The following CXXC4 variants were observed in gnomAD, a reference collection of about 807,000 sequenced individuals.
CXXC4 encodes CXXC finger protein 4.
In CXXC4, 5 loss-of-function variants were observed where a neutral mutation model predicts 20.5. That is an observed-to-expected ratio of 0.24 (90% CI 0.13 to 0.51). The LOEUF (loss-of-function observed/expected upper bound fraction) is 0.51, where lower values mean the gene tolerates loss of function less well. Among genes scored for constraint, CXXC4 ranks in the 20% least tolerant of loss-of-function variants. The pLI is 0.97. For synonymous variants in CXXC4, 250 were observed against 216.4 expected (o/e 1.16, Z -1.36); for missense variants, 419 against 496.4 (o/e 0.84, Z 1.48).
intron 2 of CXXC4, among the ~76,000 whole-genome samples, chr4:104,478,850 G>A (rs1736483726): frequency 6.6e-6 from 1 of 151,696 alleles, no homozygotes; most frequent in Non-Finnish European, 1.5e-5. Context: ...AGTAAAAATT[G>A]GGTTAATAAA....
chr4:104,491,208 A>G lies in CXXC4; in HGVS notation c.595T>C (p.Ser199Pro), dbSNP rs773805257. The G allele has an allele frequency of 1.9e-6, 3 of 1,613,558 alleles. No homozygotes were observed. In the South Asian group the frequency reaches 3.3e-5, roughly 18 times the overall value. Reference sequence around the variant, plus strand: ...CTGCAGTGTTCAGGGGATAAGGTGGAGAGGAAATTAGTATTTGCCATTTGC... The same window carrying G: ...CTGCAGTGTTCAGGGGATAAGGTGGGGAGGAAATTAGTATTTGCCATTTGC... ...SLQMANTNFL[S>P]TLSPEHCRPL... The change falls in exon 2 of 3, where the codon TCC becomes CCC. Residue 199 changes from serine (S) to proline (P), a missense_variant. By Grantham distance (74) the Ser-to-Pro change is moderately conservative. Around this residue, in one of 3 missense-constraint regions of CXXC4, gnomAD observed 388 missense variants for 416.0 expected, o/e 0.93. Transcript: ENST00000394767.
At chr4:104,482,415 G>A (rs946027062) in intron 2 of CXXC4, among the ~76,000 whole-genome samples, 1 of 151,916 alleles carries the variant, frequency 6.6e-6, no homozygotes, top group Non-Finnish European at 1.5e-5. Context: ...TCTTTTTCAC[G>A]GACTAAAGGT....
chr4:104,478,398 G>C (rs1736470978), intron 2 of CXXC4, among the ~76,000 whole-genome samples: 1 of 152,144 alleles, frequency 6.6e-6, no homozygotes, highest in South Asian at 2.1e-4. Context: ...GTCCAAAGGA[G>C]AATGTGTGTA....
At chr4:104,480,738 C>T (rs1736535020) in intron 2 of CXXC4, among the ~76,000 whole-genome samples, 1 of 151,952 alleles carries the variant, frequency 6.6e-6, no homozygotes, top group Non-Finnish European at 1.5e-5. Flanking sequence ...TCAAGATGAC[C>T]TTAAGTATGC....
Position 104,471,431 on chromosome 4 carries a change from A to T in CXXC4, c.*891T>A, listed in dbSNP as rs1385841306. On this transcript the variant is annotated 3_prime_UTR_variant, in exon 3 of 3. Coordinates refer to ENST00000394767, the MANE Select transcript of CXXC4 (RefSeq NM_025212.4). ...GATACTTTATTCTTTAGCCTAAAAAACACCGTTTTTATAAAAAAAAATTAT... is the reference window on the plus strand; with the variant it reads ...GATACTTTATTCTTTAGCCTAAAAATCACCGTTTTTATAAAAAAAAATTAT... 1 of 151,920 alleles carries T rather than the reference A, an allele frequency of 6.6e-6. No individual in the cohort carries two copies. The highest frequency in any genetic ancestry group is 1.5e-5 in the Non-Finnish European group (1 of 67,942). The allele number at this position is 151,920 out of a possible 1,614,324, so 9.4% of individuals were successfully genotyped here.
At chr4:104,483,930 A>G (rs1359256186) in intron 2 of CXXC4, among the ~76,000 whole-genome samples, 1 of 152,030 alleles carries the variant, frequency 6.6e-6, no homozygotes, top group Non-Finnish European at 1.5e-5. Context: ...TTCCTAAGAC[A>G]TTTGACAGTG....
At chr4:104,472,898 G>A (rs956966483) in intron 2 of CXXC4, among the ~76,000 whole-genome samples, 1 of 151,868 alleles carries the variant, frequency 6.6e-6, no homozygotes, top group African/African-American at 2.4e-5. Context: ...GATACAATCA[G>A]CTATGCAGCA....
At chr4:104,492,528 AC>A (rs1463097427) in intron 1 of CXXC4, among the ~76,000 whole-genome samples, 2 of 152,258 alleles carry the variant, frequency 1.3e-5, no homozygotes, top group Admixed American at 6.5e-5. Flanking sequence ...AGGAAAATGA[AC>A]AGGAAATTAG....
intron 2 of CXXC4, among the ~76,000 whole-genome samples, chr4:104,482,183 G>T (rs1736574121): frequency 6.6e-6 from 1 of 152,002 alleles, no homozygotes; most frequent in African/African-American, 2.4e-5. Context: ...AAATCTTGAT[G>T]GTAAGTTAAA....
intron 2 of CXXC4, among the ~76,000 whole-genome samples, chr4:104,481,939 T>C (rs1736568393): frequency 1.3e-5 from 2 of 152,188 alleles, no homozygotes; most frequent in African/African-American, 4.8e-5. Flanking sequence ...ATAATTTCTT[T>C]CCTCACTACA....
At chr4:104,484,736 C>T (rs890272996) in intron 2 of CXXC4, among the ~76,000 whole-genome samples, 3 of 151,894 alleles carry the variant, frequency 2.0e-5, no homozygotes, top group African/African-American at 4.8e-5. Context: ...TCCTTTTAGC[C>T]CCTGCAGAGC....
In CXXC4 at chr4:104,470,344, G is replaced by T. The variant is rs1736235895; in HGVS notation, c.*1978C>A. On this transcript the variant is annotated 3_prime_UTR_variant, in exon 3 of 3. Coordinates refer to ENST00000394767, the MANE Select transcript of CXXC4 (RefSeq NM_025212.4). ...AATTCTCATCTCTAAATATGGATGG[G>T]TGTAACACATCATGAGTTTTTCTTG... 6.6e-6 allele frequency: 1 copy of T among 151,844 alleles called. No homozygotes were observed. Among genetic ancestry groups the T allele is most frequent in the African/African-American group, 2.4e-5 (1 of 41,372 alleles). 9.4% of individuals were successfully genotyped at this position (151,844 alleles called of 1,614,324 possible). A position where few individuals can be genotyped will look rare whatever the true frequency, so the allele number is the denominator to read the frequency against.
At chr4:104,489,033 C>T (rs1003838002) in intron 2 of CXXC4, among the ~76,000 whole-genome samples, 1 of 152,110 alleles carries the variant, frequency 6.6e-6, no homozygotes. Flanking sequence ...TTTAATTTCC[C>T]ATAGTCCTTA....
At chr4:104,492,347 G>A (rs992935222) in intron 1 of CXXC4, among the ~76,000 whole-genome samples, 1 of 151,678 alleles carries the variant, frequency 6.6e-6, no homozygotes, top group African/African-American at 2.4e-5. Context: ...GGAAGACGGG[G>A]GTGACAAACG....
Position 104,468,447 on chromosome 4 carries a change from A to T in CXXC4, c.*3875T>A, listed in dbSNP as rs1736178084. 6.7e-6 allele frequency: 1 copy of T among 149,264 alleles called. No individual in the cohort carries two copies. Among genetic ancestry groups the T allele is most frequent in the African/African-American group, 2.5e-5 (1 of 40,430 alleles). The allele number at this position is 149,264 out of a possible 1,614,324, so 9.2% of individuals were successfully genotyped here. ...TGCCCCATAAGTAATTTTCTTTAAT[A>T]AATACACTGTTTTCCAAAACCGTTT... On this transcript the variant is annotated 3_prime_UTR_variant, in exon 3 of 3. Coordinates refer to ENST00000394767, the MANE Select transcript of CXXC4 (RefSeq NM_025212.4).
chr4:104,488,417 T>G (rs1288017349), intron 2 of CXXC4, among the ~76,000 whole-genome samples: 2 of 152,244 alleles, frequency 1.3e-5, no homozygotes, highest in African/African-American at 4.8e-5. Flanking sequence ...GCAGTCATGA[T>G]GGCATTGTCT....
At chr4:104,487,964 T>A (rs965021306) in intron 2 of CXXC4, among the ~76,000 whole-genome samples, 1 of 152,142 alleles carries the variant, frequency 6.6e-6, no homozygotes, top group African/African-American at 2.4e-5. Context: ...GAGTCTGTCT[T>A]AATTTCAGTT....
Position 104,469,803 on chromosome 4 carries a change from TAC to T in CXXC4, c.*2517_*2518del, listed in dbSNP as rs1349011950. ...AAACATAAGAGAATTAATGAAAAGC[TAC>T]ACTTTCTCATTTCAGTAATCAACAA... On this transcript the variant is annotated 3_prime_UTR_variant, in exon 3 of 3. Coordinates refer to ENST00000394767, the MANE Select transcript of CXXC4 (RefSeq NM_025212.4). The T allele has an allele frequency of 6.6e-6, 1 of 152,050 alleles. No homozygotes were observed. The highest frequency in any genetic ancestry group is 1.5e-5 in the Non-Finnish European group (1 of 67,954). The allele number at this position is 152,050 out of a possible 1,614,324, so 9.4% of individuals were successfully genotyped here.
chr4:104,482,156 C>T (rs578080722), intron 2 of CXXC4, among the ~76,000 whole-genome samples: 16 of 152,240 alleles, frequency 1.1e-4, no homozygotes, highest in Admixed American at 9.8e-4. Flanking sequence ...CCATTTTATT[C>T]TAACCTACTT....
Sources: allele counts gnomAD v4.1 joint callset (sites outside exome capture counted in the v4.1 genomes callset), GRCh38; gene constraint gnomAD v4.1.1; regional missense constraint gnomAD v4.1.1; transcripts MANE v1.5; gene names NCBI Gene and HGNC (gene_info 2026-07-23, HGNC 2026-07-21).